The following CAMTA1 variants were observed in gnomAD, a reference collection of about 807,000 sequenced individuals.
The protein encoded by CAMTA1 is calmodulin binding transcription activator 1, also known as calmodulin-binding transcription activator 1.
A neutral mutation model predicts 170.9 loss-of-function variants in CAMTA1; 27 were observed. The observed-to-expected ratio is 0.16, with a 90% CI of 0.12 to 0.22. CAMTA1 has a LOEUF of 0.22. CAMTA1 is among the 10% of genes least tolerant of loss of function. CAMTA1 has a pLI of 1.00. For synonymous variants in CAMTA1, 833 were observed against 891.5 expected (o/e 0.93, Z 1.17); for missense variants, 1,619 against 2,217.2 (o/e 0.73, Z 5.42).
At position 7,768,116 on chromosome 1, in the gene CAMTA1, A is replaced by T. The variant is rs980970797; in HGVS notation, c.*1625A>T. ...CAACAAAGAACACTTAGAATGATAA[A>T]AAAAAAAAAAAAAAACCTGACAAAA... is the stretch of plus-strand genomic sequence containing the variant. On this transcript the variant is annotated 3_prime_UTR_variant, in exon 23 of 23. Transcript: ENST00000303635. 1 of 30,358 alleles carries T rather than the reference A, an allele frequency of 3.3e-5. No individual in the cohort carries two copies. Among genetic ancestry groups the T allele is most frequent in the Non-Finnish European group, 7.5e-5 (1 of 13,370 alleles). 1.9% of individuals were successfully genotyped at this position (30,358 alleles called of 1,614,324 possible).
At chr1:7,536,021 A>C (rs1360249751) in intron 6 of CAMTA1, among the ~76,000 whole-genome samples, 1 of 152,224 alleles carries the variant, frequency 6.6e-6, no homozygotes, top group Non-Finnish European at 1.5e-5. Flanking sequence ...TAATAACCTT[A>C]ATTGTAAATC....
At position 7,737,485 on chromosome 1, in the gene CAMTA1, G is replaced by A. The variant is rs79362784; in HGVS notation, c.3573G>A (p.Glu1191=). The change falls in exon 15 of 23, where the codon GAG becomes GAA. Residue 1191 remains glutamate (E), a synonymous_variant. Transcript: ENST00000303635. The stretch of plus-strand genomic sequence containing the variant: ...CTGCAAGCGAAGAGCCCAGCACAGA[G>A]AGCTGGATGGCCCAGTGGCACAGCG... The part of the protein sequence containing the change: ...HCPASEEPST[E]SWMAQWHSEA... 1 of 1,614,186 alleles carries A rather than the reference G, an allele frequency of 6.2e-7. No individual in the cohort carries two copies. The highest frequency in any genetic ancestry group is 1.7e-5 in the Admixed American group (1 of 60,026).
At chr1:7,275,058 C>T (rs1670368526) in intron 5 of CAMTA1, among the ~76,000 whole-genome samples, 1 of 143,426 alleles carries the variant, frequency 7.0e-6, no homozygotes, top group African/African-American at 2.6e-5. Flanking sequence ...AGGAGAATTG[C>T]TCGAACCCAG....
chr1:7,384,505 TG>T (rs2149086248), intron 5 of CAMTA1, among the ~76,000 whole-genome samples: 2 of 152,342 alleles, frequency 1.3e-5, no homozygotes, highest in South Asian at 4.1e-4. Flanking sequence ...TGTGAATCCG[TG>T]GCTAATTTTT....
chr1:7,110,651 T>C (rs1414580437), intron 4 of CAMTA1, among the ~76,000 whole-genome samples: 1 of 152,186 alleles, frequency 6.6e-6, no homozygotes, highest in South Asian at 2.1e-4. Flanking sequence ...TGAATGAGTG[T>C]TCTTAGAAGC....
chr1:7,696,494 A>AT (rs2096378274), intron 11 of CAMTA1, among the ~76,000 whole-genome samples: 4 of 84,554 alleles, frequency 4.7e-5, no homozygotes, highest in Non-Finnish European at 9.7e-5. Flanking sequence ...GTGCCCAGCC[A>AT]GTTTTTTTTT....
intron 5 of CAMTA1, among the ~76,000 whole-genome samples, chr1:7,261,484 C>T (rs1031298615): frequency 4.6e-5 from 7 of 152,174 alleles, no homozygotes; most frequent in East Asian, 1.9e-4. Context: ...AGATTTCCAA[C>T]GGAAGTGAGG....
intron 6 of CAMTA1, among the ~76,000 whole-genome samples, chr1:7,581,504 C>T (rs2150398519): frequency 6.6e-6 from 1 of 152,314 alleles, no homozygotes; most frequent in Non-Finnish European, 1.5e-5. Context: ...AGTACAGAAA[C>T]AATGGTGGGG....
At chr1:7,163,113 G>A (rs1034731264) in intron 4 of CAMTA1, among the ~76,000 whole-genome samples, 14 of 152,008 alleles carry the variant, frequency 9.2e-5, no homozygotes, top group Non-Finnish European at 1.5e-4. Flanking sequence ...AGGCTGAACA[G>A]GAATGATGGG....
chr1:6,931,118 T>C (rs1383670359), intron 3 of CAMTA1, among the ~76,000 whole-genome samples: 1 of 152,210 alleles, frequency 6.6e-6, no homozygotes, highest in Non-Finnish European at 1.5e-5. Context: ...ATACCCCCAG[T>C]GGTTAACCTG....
intron 5 of CAMTA1, among the ~76,000 whole-genome samples, chr1:7,254,877 T>C (rs1407684331): frequency 8.5e-5 from 13 of 152,196 alleles, no homozygotes. Flanking sequence ...CAAATCAAGT[T>C]TGAAAAACAG....
chr1:6,807,006 C>G (rs1644592324), intron 1 of CAMTA1: 1 of 662,334 alleles, frequency 1.5e-6, no homozygotes, highest in African/African-American at 1.8e-5. Flanking sequence ...CAGACCCAGT[C>G]TCTGTCCTTA....
chr1:6,850,723 A>G (rs1344949986), intron 3 of CAMTA1, among the ~76,000 whole-genome samples: 1 of 152,242 alleles, frequency 6.6e-6, no homozygotes, highest in Non-Finnish European at 1.5e-5. Context: ...TCCCAGAGGA[A>G]TCTGCTCATT....
chr1:7,242,973 A>G (rs890151149), intron 4 of CAMTA1, among the ~76,000 whole-genome samples: 1 of 152,046 alleles, frequency 6.6e-6, no homozygotes, highest in African/African-American at 2.4e-5. Flanking sequence ...AAAAATAAAA[A>G]ATAAAAAAAA....
intron 3 of CAMTA1, among the ~76,000 whole-genome samples, chr1:7,039,371 G>A (rs1320557365): frequency 6.6e-6 from 1 of 152,150 alleles, no homozygotes; most frequent in Non-Finnish European, 1.5e-5. Flanking sequence ...TGAAGCACAG[G>A]GGACAGAAAT....
chr1:6,981,302 T>C (rs1426232236), intron 3 of CAMTA1, among the ~76,000 whole-genome samples: 10 of 152,188 alleles, frequency 6.6e-5, no homozygotes, highest in African/African-American at 2.4e-4. Flanking sequence ...GAAGAAAAGC[T>C]GAAAAATTCA....
At position 7,614,753 on chromosome 1, in the gene CAMTA1, A is replaced by C. The variant is rs562482417; in HGVS notation, c.511-25647A>C. ...TGGCCCAGGCTAGACTGTGAACATC[A>C]AATCAGGCTCATCTGATGGGCCCCC... is the stretch of plus-strand genomic sequence containing the variant. On this transcript the variant is annotated intron_variant, in intron 6 of 22. Transcript: ENST00000303635. 3.3e-5 allele frequency among the ~76,000 whole-genome samples: 5 copies of C among 152,162 alleles called. No homozygotes were observed. In the East Asian group the frequency reaches 9.7e-4, roughly 29 times the overall value.
intron 4 of CAMTA1, among the ~76,000 whole-genome samples, chr1:7,240,987 A>G (rs1167717261): frequency 6.6e-6 from 1 of 152,218 alleles, no homozygotes; most frequent in Non-Finnish European, 1.5e-5. Context: ...AAAAGCATCC[A>G]CAATGGGAAG....
At chr1:7,055,245 A>G (rs761967108) in intron 3 of CAMTA1, among the ~76,000 whole-genome samples, 2 of 152,236 alleles carry the variant, frequency 1.3e-5, no homozygotes, top group African/African-American at 4.8e-5. Flanking sequence ...GAGATTAATG[A>G]GAATGTGTGA....
Sources: allele counts gnomAD v4.1 joint callset (sites outside exome capture counted in the v4.1 genomes callset), GRCh38; gene constraint gnomAD v4.1.1; transcripts MANE v1.5; gene names NCBI Gene and HGNC (gene_info 2026-07-23, HGNC 2026-07-21).